Variants in PREX1 observed in about 807,000 individuals in gnomAD.
The protein encoded by PREX1 is phosphatidylinositol 3,4,5-trisphosphate-dependent Rac exchanger 1 protein.
Under a neutral mutation model 198.3 loss-of-function variants are expected in PREX1, and 41 were observed. The ratio of observed to expected loss-of-function variants is 0.21; its 90% CI spans 0.16 to 0.27. The LOEUF is 0.27. PREX1 is among the 10% of genes least tolerant of loss of function. PREX1 has a pLI of 1.00. For synonymous variants in PREX1, 843 were observed against 887.2 expected, an observed-to-expected ratio of 0.95 and a Z score of 0.89; for missense variants, 1,620 against 2,200.7, an observed-to-expected ratio of 0.74 and a Z score of 5.28.
chr20:48,720,674 C>T (rs915635911), intron 5 of PREX1, among the ~76,000 whole-genome samples: 7 of 152,150 alleles, frequency 4.6e-5, no homozygotes, highest in Admixed American at 3.3e-4. Flanking sequence ...GAGTAGTATA[C>T]GTCCATGCTC....
chr20:48,724,567 A>G (rs1408649783), intron 5 of PREX1, among the ~76,000 whole-genome samples: 2 of 152,238 alleles, frequency 1.3e-5, no homozygotes, highest in Non-Finnish European at 2.9e-5. Flanking sequence ...TCTGCTGGCT[A>G]CATCCACTCT....
At chr20:48,751,161 G>A (rs964005494) in intron 1 of PREX1, among the ~76,000 whole-genome samples, 7 of 152,210 alleles carry the variant, frequency 4.6e-5, no homozygotes, top group African/African-American at 1.7e-4. Flanking sequence ...CTCGACTCAG[G>A]CTCCTTGGAA....
At chr20:48,678,665 A>G (rs2089726240) in intron 13 of PREX1, among the ~76,000 whole-genome samples, 1 of 152,106 alleles carries the variant, frequency 6.6e-6, no homozygotes, top group Non-Finnish European at 1.5e-5. Flanking sequence ...GTCTCACAAG[A>G]TCTGATGGTT....
the PREX1 span, among the ~76,000 whole-genome samples, chr20:48,856,616 A>T: frequency 6.6e-6 from 1 of 152,228 alleles, no homozygotes; most frequent in Non-Finnish European, 1.5e-5. Flanking sequence ...CAGGAGAGTA[A>T]GTAAAATCAC....
the PREX1 span, among the ~76,000 whole-genome samples, chr20:48,847,453 T>A: frequency 6.6e-6 from 1 of 151,708 alleles, no homozygotes; most frequent in Non-Finnish European, 1.5e-5. Context: ...ATCTATAATG[T>A]ATAGGCCGTG....
chr20:48,640,800 C>T (rs2089403592), intron 29 of PREX1, among the ~76,000 whole-genome samples: 1 of 148,030 alleles, frequency 6.8e-6, no homozygotes, highest in African/African-American at 2.5e-5. Context: ...AGTGGGCACA[C>T]AGATGGAAGG....
In PREX1 at chr20:48,666,444, G is replaced by A. The variant is rs1211279860; in HGVS notation, c.1666-89C>T. On this transcript the variant is annotated intron_variant, in intron 14 of 39. Transcript: ENST00000371941. This position sits in a 1 kb window ranked among gnomAD's most constrained non-coding sequence, Gnocchi z 4.3. ...CGAGAAGCCCACAACCACCCAAGAA[G>A]GTAGGCTCCACGAGGGCCAGGGGTT... The A allele has an allele frequency of 3.5e-6, 4 of 1,149,302 alleles. No homozygotes were observed. The highest frequency in any genetic ancestry group is 5.0e-6 in the Non-Finnish European group (4 of 793,150). 71.2% of individuals were successfully genotyped at this position (1,149,302 alleles called of 1,614,324 possible). A position where few individuals can be genotyped will look rare whatever the true frequency, so the allele number is the denominator to read the frequency against.
At chr20:48,748,016 C>A in intron 1 of PREX1, 136 bp from the exon 2 acceptor site, 6 of 732,910 alleles carry the variant, frequency 8.2e-6, no homozygotes, top group South Asian at 1.6e-5. Context: ...AGGCAGAGGA[C>A]GAGGAAAAAC....
intron 5 of PREX1, among the ~76,000 whole-genome samples, chr20:48,710,122 A>C (rs939413693): frequency 1.2e-4 from 18 of 152,324 alleles, no homozygotes; most frequent in Middle Eastern, 6.8e-3. Flanking sequence ...GGGCTTGAGA[A>C]AGGCCCAGAG....
intron 1 of PREX1, among the ~76,000 whole-genome samples, chr20:48,771,136 C>A (rs1312449300): frequency 6.6e-6 from 1 of 151,940 alleles, no homozygotes; most frequent in East Asian, 1.9e-4. Context: ...GCGTCTCCTG[C>A]AGTTTTTAGG....
intron 1 of PREX1, among the ~76,000 whole-genome samples, chr20:48,771,187 C>A (rs1261355668): frequency 6.6e-6 from 1 of 151,582 alleles, no homozygotes; most frequent in Non-Finnish European, 1.5e-5. Flanking sequence ...TTGCATGTCA[C>A]CTTTCCAGTG....
chr20:48,692,559 G>C, intron 8 of PREX1, 113 bp downstream of exon 8: 1 of 840,450 alleles, frequency 1.2e-6, no homozygotes, highest in Non-Finnish European at 1.9e-6. Flanking sequence ...CTTTTCTGTA[G>C]GTAGATTACA....
At chr20:48,828,901 A>C (rs1401293112), upstream of PREX1, among the ~76,000 whole-genome samples, 3 of 152,234 alleles carry the variant, frequency 2.0e-5, no homozygotes, top group Non-Finnish European at 2.9e-5. Flanking sequence ...CACCCGCCTT[A>C]TCGGAAGGTA....
chr20:48,630,013 C>G (rs982544263), intron 36 of PREX1, among the ~76,000 whole-genome samples: 4 of 152,172 alleles, frequency 2.6e-5, no homozygotes, highest in South Asian at 2.1e-4. Flanking sequence ...CTGACCCCCA[C>G]GTGGAGGTGC....
At chr20:48,744,531 C>A (rs1233539612) in intron 3 of PREX1, among the ~76,000 whole-genome samples, 1 of 152,150 alleles carries the variant, frequency 6.6e-6, no homozygotes, top group African/African-American at 2.4e-5. Flanking sequence ...ATTCCAAATG[C>A]GTTAGTAATC....
chr20:48,767,795 T>G (rs2426093), intron 1 of PREX1, among the ~76,000 whole-genome samples: 1 of 151,456 alleles, frequency 6.6e-6, no homozygotes, highest in South Asian at 2.1e-4. Context: ...TCCCCGCCCC[T>G]CATCGTCACT....
At position 48,827,900 on chromosome 20, in the gene PREX1, C is replaced by G; in HGVS notation, c.-40G>C. ...GCGGCGCCGGCTCCTTCCGTCGCGC[C>G]GAGCGGCAACTCAGGCGTCCAGGCG... On this transcript the variant is annotated 5_prime_UTR_variant, in exon 1 of 40. Transcript: ENST00000371941. This position sits in a 1 kb window ranked among gnomAD's most constrained non-coding sequence, Gnocchi z 4.1. 13 of 894,008 alleles carry G rather than the reference C, an allele frequency of 1.5e-5. No homozygotes were observed. The highest frequency in any genetic ancestry group is 3.9e-5 in the African/African-American group (2 of 51,336). The allele number at this position is 894,008 out of a possible 1,614,324, so 55.4% of individuals were successfully genotyped here.
chr20:48,666,231 C>T lies in PREX1; in HGVS notation c.1738+52G>A. On this transcript the variant is annotated intron_variant, in intron 15 of 39. Coordinates refer to ENST00000371941, the MANE Select transcript of PREX1 (RefSeq NM_020820.4). This position sits in a 1 kb window ranked among gnomAD's most constrained non-coding sequence, Gnocchi z 4.3. ...GTCCTCCCATACTCCCCCAAACCATCAGCTCCAGGGAGCAAGGTCCCGGGG... is the reference window on the plus strand; with the variant it reads ...GTCCTCCCATACTCCCCCAAACCATTAGCTCCAGGGAGCAAGGTCCCGGGG... 6.7e-7 allele frequency: 1 copy of T among 1,498,042 alleles called. No individual in the cohort carries two copies. The highest frequency in any genetic ancestry group is 9.1e-7 in the Non-Finnish European group (1 of 1,104,584). 92.8% of individuals were successfully genotyped at this position (1,498,042 alleles called of 1,614,324 possible).
Position 48,658,153 on chromosome 20 carries a change from T to A in PREX1, c.1957A>T (p.Arg653Trp), listed in dbSNP as rs750630005. The A allele has an allele frequency of 1.2e-6, 2 of 1,614,008 alleles. No homozygotes were observed. The highest frequency in any genetic ancestry group is 2.2e-5 in the South Asian group (2 of 91,068). ...NKAVVVKSVQ[R>W]GSLAEVAGLQ... ...GGCCTCACCTCAGCCAGCGAGCCCCTCTGGACGGACTTCACCACCACAGCC... is the reference window on the plus strand; with the variant it reads ...GGCCTCACCTCAGCCAGCGAGCCCCACTGGACGGACTTCACCACCACAGCC... The change falls in exon 17 of 40, where the codon AGG (arginine) becomes TGG (tryptophan). Residue 653 changes from arginine to tryptophan, a missense_variant. Around this residue, in one of 7 missense-constraint regions of PREX1, gnomAD observed 488 missense variants for 802.5 expected, o/e 0.61. Coordinates refer to ENST00000371941, the MANE Select transcript of PREX1 (RefSeq NM_020820.4).
Sources: gnomAD v4.1 joint callset for allele counts (sites outside exome capture counted in the v4.1 genomes callset) on GRCh38, gnomAD v4.1.1 for gene constraint, gnomAD v4.1.1 regional missense constraint, Gnocchi (gnomAD v3.1) non-coding constraint, MANE v1.5 for transcripts, NCBI Gene and HGNC (gene_info 2026-07-23, HGNC 2026-07-21) for gene names.